LRCH1: variants seen among roughly 807,000 people sequenced by gnomAD.
LRCH1 encodes the protein leucine-rich repeat and calponin homology domain-containing protein 1.
Under a neutral mutation model 94.9 loss-of-function variants are expected in LRCH1, and 23 were observed. That is an observed-to-expected ratio of 0.24 (90% CI 0.17 to 0.34). LRCH1 has a LOEUF of 0.34. Ranked by LOEUF, LRCH1 falls within the 10% of genes least tolerant of loss-of-function variation. LRCH1 has a pLI of 1.00. For missense variants in LRCH1, 790 were observed against 945.9 expected (o/e 0.84, Z 2.16); for synonymous variants, 364 against 354.9 (o/e 1.03, Z -0.29).
At position 46,711,650 on chromosome 13, in the gene LRCH1, A is replaced by AC. The variant is rs1170776907; in HGVS notation, c.1528-140dup. On this transcript the variant is annotated intron_variant, in intron 13 of 19. Transcript: ENST00000389797. The stretch of plus-strand genomic sequence containing the variant: ...TGAGTATGGTCTACTTAGTTACTGA[A>AC]CACACTAACTAATTAATTCAACAGA... 1.6e-5 allele frequency: 9 copies of AC among 579,632 alleles called. No homozygotes were observed. In the African/African-American group the frequency reaches 1.7e-4, roughly 11 times the overall value. The allele number at this position is 579,632 out of a possible 1,614,324, so 35.9% of individuals were successfully genotyped here. A position where few individuals can be genotyped will look rare whatever the true frequency, so the allele number is the denominator to read the frequency against.
At chr13:46,569,362 T>C (rs189146029) in intron 1 of LRCH1, among the ~76,000 whole-genome samples, 13 of 152,282 alleles carry the variant, frequency 8.5e-5, no homozygotes, top group East Asian at 7.7e-4. Context: ...TTGAGGCCTA[T>C]AGATGTTAAG....
chr13:46,573,615 A>C (rs2050264992), intron 1 of LRCH1, among the ~76,000 whole-genome samples: 1 of 151,950 alleles, frequency 6.6e-6, no homozygotes, highest in African/African-American at 2.4e-5. Context: ...ATTAAGTGAA[A>C]TAAGCCGGGC....
chr13:46,596,069 C>T (rs2050559608), intron 1 of LRCH1, among the ~76,000 whole-genome samples: 1 of 152,148 alleles, frequency 6.6e-6, no homozygotes, highest in Non-Finnish European at 1.5e-5. Flanking sequence ...AGAAGTTTTT[C>T]ATGCCAGTGC....
intron 18 of LRCH1, among the ~76,000 whole-genome samples, chr13:46,731,889 A>G (rs1385902638): frequency 2.0e-5 from 3 of 152,116 alleles, no homozygotes; most frequent in Non-Finnish European, 2.9e-5. Context: ...AAAACAAACC[A>G]TTCTCAACGC....
chr13:46,559,951 A>G (rs905223831), intron 1 of LRCH1, among the ~76,000 whole-genome samples: 1 of 152,172 alleles, frequency 6.6e-6, no homozygotes, highest in African/African-American at 2.4e-5. Flanking sequence ...TCTTTGTAAT[A>G]AACATTTAAA....
chr13:46,592,281 G>C (rs1314137416), intron 1 of LRCH1, among the ~76,000 whole-genome samples: 1 of 152,166 alleles, frequency 6.6e-6, no homozygotes, highest in Non-Finnish European at 1.5e-5. Context: ...CAATTTTCAG[G>C]AGACAACATC....
intron 1 of LRCH1, among the ~76,000 whole-genome samples, chr13:46,613,069 T>C (rs1316079799): frequency 6.6e-6 from 1 of 152,178 alleles, no homozygotes; most frequent in Non-Finnish European, 1.5e-5. Context: ...GTAACAAATA[T>C]TACCAGGTTT....
intron 1 of LRCH1, among the ~76,000 whole-genome samples, chr13:46,589,375 A>C (rs552026421): frequency 1.3e-5 from 2 of 152,262 alleles, no homozygotes; most frequent in South Asian, 4.1e-4. Context: ...ATTCTCGTAC[A>C]TAAAGACACT....
chr13:46,693,180 G>A (rs1479876471), intron 8 of LRCH1, among the ~76,000 whole-genome samples: 3 of 151,938 alleles, frequency 2.0e-5, no homozygotes, highest in African/African-American at 7.3e-5. Context: ...TGATATGATA[G>A]ATATATTAGT....
At chr13:46,655,426 A>T (rs1593328112) in intron 2 of LRCH1, among the ~76,000 whole-genome samples, 1 of 152,200 alleles carries the variant, frequency 6.6e-6, no homozygotes, top group East Asian at 1.9e-4. Context: ...TGTTTGAAGG[A>T]TTTGGGCTTT....
At chr13:46,730,220 C>T (rs764264827) in intron 18 of LRCH1, among the ~76,000 whole-genome samples, 1 of 152,196 alleles carries the variant, frequency 6.6e-6, no homozygotes, top group Admixed American at 6.5e-5. Context: ...AGCTATACAA[C>T]TTTGGGCAAT....
exon 19 of LRCH1, chr13:46,752,271 G>A (rs953956552): frequency 3.9e-5 from 6 of 152,292 alleles, no homozygotes; most frequent in Non-Finnish European, 5.9e-5. Context: ...TCACCTCCTC[G>A]AAAAGCCATT....
intron 2 of LRCH1, among the ~76,000 whole-genome samples, chr13:46,661,630 A>AC (rs1412892651): frequency 2.0e-5 from 3 of 152,240 alleles, no homozygotes; most frequent in Non-Finnish European, 4.4e-5. Context: ...GTCAAGTTAT[A>AC]CAATAGAAGC....
intron 2 of LRCH1, among the ~76,000 whole-genome samples, chr13:46,660,154 G>A (rs2051428344): frequency 6.6e-6 from 1 of 150,576 alleles, no homozygotes; most frequent in East Asian, 2.0e-4. Context: ...TGGGACTACA[G>A]GCGCCCGCCA....
At chr13:46,616,717 G>T (rs1003507364) in intron 1 of LRCH1, among the ~76,000 whole-genome samples, 1 of 152,178 alleles carries the variant, frequency 6.6e-6, no homozygotes, top group Non-Finnish European at 1.5e-5. Flanking sequence ...ATGCGCGTTC[G>T]TGTGAAGAGA....
chr13:46,585,923 G>A (rs748754380), intron 1 of LRCH1, among the ~76,000 whole-genome samples: 3 of 152,126 alleles, frequency 2.0e-5, no homozygotes, highest in African/African-American at 2.4e-5. Flanking sequence ...AGATTTGGGC[G>A]TGCTTTTTGC....
chr13:46,626,841 C>T (rs915663802), intron 1 of LRCH1, among the ~76,000 whole-genome samples: 5 of 151,954 alleles, frequency 3.3e-5, no homozygotes, highest in African/African-American at 7.3e-5. Flanking sequence ...TTTCACTAAC[C>T]GGTTTATGCA....
At chr13:46,718,581 G>T (rs1872441188) in intron 16 of LRCH1, among the ~76,000 whole-genome samples, 1 of 152,188 alleles carries the variant, frequency 6.6e-6, no homozygotes, top group Admixed American at 6.5e-5. Context: ...CAGTCACTGG[G>T]TTAAGTAAAT....
chr13:46,743,146 T>G lies in LRCH1; in HGVS notation c.*1298T>G. On this transcript the variant is annotated 3_prime_UTR_variant, in exon 20 of 20. Transcript: ENST00000389797. Reference sequence around the variant, plus strand: ...TTCTTAGCTTGGGGAGATGATGGACTTAGCTTCCTCAAGATAAATTTCTAG... The same window carrying G: ...TTCTTAGCTTGGGGAGATGATGGACGTAGCTTCCTCAAGATAAATTTCTAG... 1 of 985,502 alleles carries G rather than the reference T, an allele frequency of 1.0e-6. No individual in the cohort carries two copies. The highest frequency in any genetic ancestry group is 1.2e-6 in the Non-Finnish European group (1 of 829,902). 61.0% of individuals were successfully genotyped at this position (985,502 alleles called of 1,614,324 possible).
Sources: gnomAD v4.1 joint callset for allele counts (sites outside exome capture counted in the v4.1 genomes callset) on GRCh38, gnomAD v4.1.1 for gene constraint, MANE v1.5 for transcripts, NCBI Gene and HGNC (gene_info 2026-07-23, HGNC 2026-07-21) for gene names.